The following COL25A1 variants were observed in gnomAD, a reference collection of about 807,000 sequenced individuals.
COL25A1 encodes collagen type XXV alpha 1 chain, also known as collagen alpha-1(XXV) chain.
COL25A1 carries 103 observed loss-of-function variants against 128.4 expected under a neutral mutation model. The ratio of observed to expected loss-of-function variants is 0.80; its 90% CI spans 0.68 to 0.94. The LOEUF (loss-of-function observed/expected upper bound fraction) is 0.94, where lower values mean the gene tolerates loss of function less well. Ranked by LOEUF, COL25A1 falls within the 40% of genes least tolerant of loss-of-function variation. The pLI is 0.00. For missense variants in COL25A1, 745 were observed against 840.0 expected (o/e 0.89, Z 1.40); for synonymous variants, 279 against 277.2 (o/e 1.01, Z -0.06).
In COL25A1 at chr4:108,843,757, CATA is replaced by C. The variant is rs199916481; in HGVS notation, c.1629+759_1629+761del. The stretch of plus-strand genomic sequence containing the variant: ...CAAATATTCTTTTTTAAAATTGACA[CATA>C]ATAACTATATATTTATGGATATAGT... On this transcript the variant is annotated intron_variant, in intron 30 of 37. Coordinates refer to ENST00000399132, the MANE Select transcript of COL25A1 (RefSeq NM_198721.4). Among the ~76,000 whole-genome samples, 975 of 152,126 alleles carry C rather than the reference CATA, an allele frequency of 6.4e-3. 4 individuals are homozygous for C. Among genetic ancestry groups the C allele is most frequent in the Middle Eastern group, 0.024 (7 of 294 alleles).
At chr4:108,849,651 T>G (rs1409049484) in intron 26 of COL25A1, among the ~76,000 whole-genome samples, 6 of 152,220 alleles carry the variant, frequency 3.9e-5, no homozygotes, top group Admixed American at 2.6e-4. Context: ...GAGTCATTTA[T>G]GTGGATCCCA....
At chr4:109,251,364 T>C (rs1178572796) in intron 3 of COL25A1, among the ~76,000 whole-genome samples, 1 of 152,204 alleles carries the variant, frequency 6.6e-6, no homozygotes, top group East Asian at 1.9e-4. Context: ...CCTTCATTCC[T>C]GAAGGATCTA....
At chr4:108,999,105 A>G (rs1463868529) in intron 6 of COL25A1, among the ~76,000 whole-genome samples, 2 of 152,208 alleles carry the variant, frequency 1.3e-5, no homozygotes, top group African/African-American at 4.8e-5. Context: ...AAAAGCCAAA[A>G]TTGACAAATG....
chr4:109,286,645 A>G (rs568431539), intron 3 of COL25A1, among the ~76,000 whole-genome samples: 6 of 152,318 alleles, frequency 3.9e-5, no homozygotes, highest in Admixed American at 3.9e-4. Context: ...GAAGCCAAGG[A>G]GTGCAACTGG....
chr4:108,854,418 G>C (rs1323177150), intron 24 of COL25A1, among the ~76,000 whole-genome samples: 1 of 152,028 alleles, frequency 6.6e-6, no homozygotes, highest in Non-Finnish European at 1.5e-5. Flanking sequence ...ACTACCATCA[G>C]AGTGAACAGG....
At chr4:109,059,731 C>G (rs1761780070) in intron 3 of COL25A1, among the ~76,000 whole-genome samples, 2 of 152,108 alleles carry the variant, frequency 1.3e-5, no homozygotes, top group African/African-American at 4.8e-5. Context: ...AGTTTTTACC[C>G]ATGCTGTTAT....
intron 6 of COL25A1, among the ~76,000 whole-genome samples, chr4:109,003,626 C>CTTAGCA (rs1248043840): frequency 1.3e-5 from 2 of 152,146 alleles, no homozygotes; most frequent in African/African-American, 4.8e-5. Flanking sequence ...CATGGTGAAA[C>CTTAGCA]CCAGTCTCTA....
chr4:109,037,095 C>T (rs1399345135), intron 5 of COL25A1, among the ~76,000 whole-genome samples: 4 of 152,138 alleles, frequency 2.6e-5, no homozygotes, highest in Non-Finnish European at 5.9e-5. Context: ...GCTTCCATTT[C>T]GTCTCCCAGA....
chr4:108,885,757 C>T (rs543704195), intron 18 of COL25A1, among the ~76,000 whole-genome samples: 6 of 152,130 alleles, frequency 3.9e-5, no homozygotes, highest in African/African-American at 1.2e-4. Context: ...TAAAAGTAAA[C>T]GTATTGATGG....
chr4:109,081,761 T>C (rs1560655927), intron 3 of COL25A1, among the ~76,000 whole-genome samples: 1 of 152,084 alleles, frequency 6.6e-6, no homozygotes, highest in Non-Finnish European at 1.5e-5. Flanking sequence ...TGGAATGCAG[T>C]GGCACAGTCT....
At chr4:109,254,888 C>A (rs1159158115) in intron 3 of COL25A1, among the ~76,000 whole-genome samples, 2 of 151,888 alleles carry the variant, frequency 1.3e-5, no homozygotes, top group African/African-American at 2.4e-5. Context: ...TCCAAAAGAA[C>A]AAAAAAGGAA....
intron 3 of COL25A1, among the ~76,000 whole-genome samples, chr4:109,205,636 C>A (rs1776919651): frequency 6.6e-6 from 1 of 152,118 alleles, no homozygotes; most frequent in Non-Finnish European, 1.5e-5. Flanking sequence ...TGATCATTTA[C>A]CCAGACTTAC....
chr4:108,884,354 A>G (rs1740516906), intron 18 of COL25A1, 132 bp from the exon 19 acceptor site: 3 of 772,006 alleles, frequency 3.9e-6, no homozygotes, highest in Non-Finnish European at 6.2e-6. Flanking sequence ...ACTTTCAAAA[A>G]CTTTGATGAG....
intron 3 of COL25A1, among the ~76,000 whole-genome samples, chr4:109,185,521 T>A (rs1052848087): frequency 2.6e-5 from 4 of 152,188 alleles, no homozygotes; most frequent in African/African-American, 9.7e-5. Context: ...CTGTCTATTT[T>A]TTGGAAAGAA....
At chr4:109,177,912 G>C (rs2126140592) in intron 3 of COL25A1, among the ~76,000 whole-genome samples, 1 of 152,304 alleles carries the variant, frequency 6.6e-6, no homozygotes, top group East Asian at 1.9e-4. Context: ...AGAGCAGAGA[G>C]ACATGTTAAT....
intron 3 of COL25A1, among the ~76,000 whole-genome samples, chr4:109,104,015 T>C (rs1482583889): frequency 2.0e-5 from 3 of 152,174 alleles, no homozygotes; most frequent in African/African-American, 7.2e-5. Flanking sequence ...TCAGACATTT[T>C]AACAGAAAAT....
At chr4:109,259,800 C>A (rs1256547077) in intron 3 of COL25A1, among the ~76,000 whole-genome samples, 3 of 152,076 alleles carry the variant, frequency 2.0e-5, no homozygotes, top group Non-Finnish European at 4.4e-5. Flanking sequence ...ATTTTTTATA[C>A]CTATCTCTGG....
Position 108,977,155 on chromosome 4 carries a change from C to T in COL25A1, c.439-2596G>A, listed in dbSNP as rs75381788. 4.9e-3 allele frequency among the ~76,000 whole-genome samples: 746 copies of T among 152,208 alleles called. 17 individuals carry two copies. In the East Asian group the frequency reaches 0.068, roughly 14 times the overall value. ...TCAACAAGCGCCATCTAAAATGCCT[C>T]CCTAGTGCATTTTCCACAGTGTCAC... is the stretch of plus-strand genomic sequence containing the variant. On this transcript the variant is annotated intron_variant, in intron 6 of 37. Transcript: ENST00000399132.
chr4:109,094,230 C>T lies in COL25A1; in HGVS notation c.368-44051G>A, dbSNP rs182958617. Among the ~76,000 whole-genome samples the T allele has an allele frequency of 7.2e-4, 110 of 152,278 alleles. 1 individual carries two copies. Among genetic ancestry groups the T allele is most frequent in the African/African-American group, 2.5e-3 (103 of 41,564 alleles). On this transcript the variant is annotated intron_variant, in intron 3 of 37. Coordinates refer to ENST00000399132, the MANE Select transcript of COL25A1 (RefSeq NM_198721.4). ...AATACAAAAGGAAACCCATCCAAAC[C>T]ACAGGCACATGATGGATAAAAGATA... is the stretch of plus-strand genomic sequence containing the variant.
Sources: gnomAD v4.1 joint callset for allele counts (sites outside exome capture counted in the v4.1 genomes callset) on GRCh38, gnomAD v4.1.1 for gene constraint, MANE v1.5 for transcripts, NCBI Gene and HGNC (gene_info 2026-07-23, HGNC 2026-07-21) for gene names.